The following MTMR6 variants were observed in gnomAD, a reference collection of about 807,000 sequenced individuals.
The protein encoded by MTMR6 is phosphatidylinositol-3,5-bisphosphate 3-phosphatase MTMR6.
A neutral mutation model predicts 80.1 loss-of-function variants in MTMR6; 47 were observed. The observed-to-expected ratio is 0.59, with a 90% confidence interval of 0.46 to 0.75. The LOEUF (loss-of-function observed/expected upper bound fraction) is 0.75. Among genes scored for constraint, MTMR6 ranks in the 30% least tolerant of loss-of-function variants. The pLI, the probability that MTMR6 is intolerant of heterozygous loss-of-function variation, is 0.00. For missense variants in MTMR6, 629 were observed against 730.9 expected, an observed-to-expected ratio of 0.86 and a Z score of 1.61; for synonymous variants, 254 against 253.0, an observed-to-expected ratio of 1.00 and a Z score of -0.04.
chr13:25,249,317 C>T lies in MTMR6; in HGVS notation c.1781G>A (p.Arg594His), dbSNP rs544564911. The change falls in exon 14 of 14, where the codon CGT becomes CAT. Residue 594 changes from arginine to histidine, a missense_variant. By Grantham distance (29) the Arg-to-His change is conservative. Transcript: ENST00000381801. ...TIEGSSPADNRYSEYAEEFSK... is the reference protein window; with the variant it reads ...TIEGSSPADNHYSEYAEEFSK... Reference sequence around the variant, plus strand: ...AAACTCTTCTGCATATTCACTATAACGATTATCTGCCGGGCTGCTGCCCTC... The same window carrying T: ...AAACTCTTCTGCATATTCACTATAATGATTATCTGCCGGGCTGCTGCCCTC... 18 of 1,614,124 alleles carry T rather than the reference C, an allele frequency of 1.1e-5. No individual in the cohort carries two copies. Among genetic ancestry groups the T allele is most frequent in the East Asian group, 2.2e-5 (1 of 44,872 alleles).
At position 25,265,982 on chromosome 13, in the gene MTMR6, C is replaced by A. The variant is rs749418373; in HGVS notation, c.463-35G>T. 11 of 1,606,736 alleles carry A rather than the reference C, an allele frequency of 6.8e-6. No individual in the cohort carries two copies. The South Asian group carries it at 1.2e-4, about 18-fold the overall frequency. ...TCAAACAAAACATAACCATTGTATT[C>A]TTAGTTCAAAACCACTTTAAAAACC... On this transcript the variant is annotated intron_variant, in intron 4 of 13. Transcript: ENST00000381801.
At position 25,254,382 on chromosome 13, in the gene MTMR6, C is replaced by T; in HGVS notation, c.1145+3G>A. On this transcript the variant is annotated splice_donor_region_variant and intron_variant, in intron 10 of 13. Coordinates refer to ENST00000381801, the MANE Select transcript of MTMR6 (RefSeq NM_004685.5). Reference sequence around the variant, plus strand: ...AATATATGACTGTGTAACTGTGACTCACCTCTCTGAAAATTTATGTCCAAA... The same window carrying T: ...AATATATGACTGTGTAACTGTGACTTACCTCTCTGAAAATTTATGTCCAAA... 1.3e-6 allele frequency: 2 copies of T among 1,569,244 alleles called. No homozygotes were observed. Among genetic ancestry groups the T allele is most frequent in the Non-Finnish European group, 1.8e-6 (2 of 1,142,210 alleles).
chr13:25,267,687 G>C (rs960461461), intron 3 of MTMR6, 92 bp downstream of exon 3: 1 of 1,319,952 alleles, frequency 7.6e-7, no homozygotes, highest in Non-Finnish European at 1.0e-6. Context: ...GAGCAAAAAA[G>C]GATAAAATAA....
rs114795294 is a variant in MTMR6 at position 25,251,500 on chromosome 13, C to T, written c.1605+149G>A. On this transcript the variant is annotated intron_variant, in intron 13 of 13. Coordinates refer to ENST00000381801, the MANE Select transcript of MTMR6 (RefSeq NM_004685.5). The surrounding 1 kb of genome is among the most constrained non-coding windows in gnomAD (Gnocchi z 4.1). Reference sequence around the variant, plus strand: ...ATACAAAGAAAGTGATTCGAACTAACGTATTCAATCAAAGTAGGGATGACC... The same window carrying T: ...ATACAAAGAAAGTGATTCGAACTAATGTATTCAATCAAAGTAGGGATGACC... 4.2e-3 allele frequency: 2,686 copies of T among 642,898 alleles called. 56 individuals are homozygous for T. The highest frequency in any genetic ancestry group is 0.039 in the African/African-American group (2,092 of 53,616). 39.8% of individuals were successfully genotyped at this position (642,898 alleles called of 1,614,324 possible). A position where few individuals can be genotyped will look rare whatever the true frequency, so the allele number is the denominator to read the frequency against.
At chr13:25,258,455 C>G (rs902715836) in intron 7 of MTMR6, 105 bp downstream of exon 7, 17 of 917,264 alleles carry the variant, frequency 1.9e-5, no homozygotes, top group Non-Finnish European at 2.6e-5. Context: ...TCACTTGTTT[C>G]TTTTTACTTT....
intron 3 of MTMR6, among the ~76,000 whole-genome samples, chr13:25,266,843 C>G (rs953405704): frequency 1.3e-5 from 2 of 152,182 alleles, no homozygotes; most frequent in Non-Finnish European, 2.9e-5. Context: ...GAACAAAGAC[C>G]TGCTCTGAGA....
intron 9 of MTMR6, among the ~76,000 whole-genome samples, chr13:25,254,723 T>G (rs1363002877): frequency 6.6e-6 from 1 of 152,192 alleles, no homozygotes; most frequent in Non-Finnish European, 1.5e-5. Flanking sequence ...GTATTACATT[T>G]AAGTTTTTGT....
At chr13:25,252,031 G>A in intron 11 of MTMR6, 47 bp from the exon 12 acceptor site, 6 of 1,554,318 alleles carry the variant, frequency 3.9e-6, no homozygotes, top group East Asian at 2.2e-5. Context: ...TAGATGCAAA[G>A]TAGTAATGGT....
chr13:25,264,278 AAAAT>A (rs1957404146), intron 5 of MTMR6, among the ~76,000 whole-genome samples: 1 of 152,088 alleles, frequency 6.6e-6, no homozygotes, highest in South Asian at 2.1e-4. Context: ...AAAAAAATGA[AAAAT>A]AAAGGAGAAA....
rs1340825416 is a variant in MTMR6, at chr13:25,257,270, C to A, written c.1021G>T (p.Asp341Tyr). 1.9e-6 allele frequency: 3 copies of A among 1,613,904 alleles called. No homozygotes were observed. Among genetic ancestry groups the A allele is most frequent in the African/African-American group, 1.3e-5 (1 of 75,012 alleles). The change falls in exon 9 of 14, where the codon GAT (aspartate) becomes TAT (tyrosine). Residue 341 changes from aspartate (D) to tyrosine (Y), a missense_variant. Physicochemically the swap from Asp to Tyr is radical, Grantham distance 160 (BLOSUM62 -3). Transcript: ENST00000381801. ...SVLVHCSDGWDRTSQVCSLGS... is the reference protein window; with the variant it reads ...SVLVHCSDGWYRTSQVCSLGS... Reference sequence around the variant, plus strand: ...AGGGAACAAACCTGGGAAGTCCTATCCCAACCATCGGAACAATGCACCAAC... The same window carrying A: ...AGGGAACAAACCTGGGAAGTCCTATACCAACCATCGGAACAATGCACCAAC...
At position 25,287,444 on chromosome 13, in the gene MTMR6, C is replaced by A; in HGVS notation, c.-197G>T. 3.1e-6 allele frequency: 2 copies of A among 653,918 alleles called. No individual in the cohort carries two copies. Among genetic ancestry groups the A allele is most frequent in the Middle Eastern group, 6.7e-4 (2 of 2,970 alleles). 40.5% of individuals were successfully genotyped at this position (653,918 alleles called of 1,614,324 possible). ...TCTCCTAGAAACACTTCCCCAAACC[C>A]CGCGGCCTCCCGGGGGACTCGGGGC... is the stretch of plus-strand genomic sequence containing the variant. On this transcript the variant is annotated 5_prime_UTR_variant, in exon 1 of 14. Coordinates refer to ENST00000381801, the MANE Select transcript of MTMR6 (RefSeq NM_004685.5).
At chr13:25,275,322 T>G (rs563799322) in intron 1 of MTMR6, among the ~76,000 whole-genome samples, 2 of 152,136 alleles carry the variant, frequency 1.3e-5, no homozygotes, top group East Asian at 3.9e-4. Flanking sequence ...CTTGGGAGGC[T>G]GAGGCAGGAG....
rs1593162252 is a variant in MTMR6, at chr13:25,287,451, C to T, written c.-204G>A. 3 of 635,580 alleles carry T rather than the reference C, an allele frequency of 4.7e-6. No homozygotes were observed. Among genetic ancestry groups the T allele is most frequent in the Admixed American group, 5.2e-5 (2 of 38,748 alleles). 39.4% of individuals were successfully genotyped at this position (635,580 alleles called of 1,614,324 possible). On this transcript the variant is annotated 5_prime_UTR_variant, in exon 1 of 14. Transcript: ENST00000381801. ...GAAACACTTCCCCAAACCCCGCGGC[C>T]TCCCGGGGGACTCGGGGCAGGCAGA... is the stretch of plus-strand genomic sequence containing the variant.
At chr13:25,274,907 A>T (rs953350300) in intron 1 of MTMR6, among the ~76,000 whole-genome samples, 1 of 144,876 alleles carries the variant, frequency 6.9e-6, no homozygotes, top group African/African-American at 2.5e-5. Flanking sequence ...CTGATAAGGC[A>T]CATAGTATGT....
chr13:25,274,658 ATTG>A (rs1294599682), intron 1 of MTMR6, among the ~76,000 whole-genome samples: 1 of 152,034 alleles, frequency 6.6e-6, no homozygotes, highest in Non-Finnish European at 1.5e-5. Flanking sequence ...CAGGGCAATG[ATTG>A]TTTTTTGTCC....
intron 7 of MTMR6, 131 bp from the exon 8 acceptor site, chr13:25,257,976 G>C: frequency 1.9e-6 from 1 of 534,026 alleles, no homozygotes; most frequent in Non-Finnish European, 3.1e-6. Context: ...TAAATGAAAA[G>C]ATGCTATTAA....
At chr13:25,262,383 T>C (rs1167225844) in intron 5 of MTMR6, among the ~76,000 whole-genome samples, 1 of 152,200 alleles carries the variant, frequency 6.6e-6, no homozygotes, top group African/African-American at 2.4e-5. Context: ...CTGGTTGGTT[T>C]TTGAGACAAG....
rs1957349055 is a variant in MTMR6, at chr13:25,261,805, A to G, written c.592-3T>C. On this transcript the variant is annotated splice_region_variant and splice_polypyrimidine_tract_variant and intron_variant, in intron 5 of 13. Transcript: ENST00000381801. ...TGACTACATCGACAAATGGCAGCCTATTTTTTAAAGGACAGAAAAGAGATT... is the reference window on the plus strand; with the variant it reads ...TGACTACATCGACAAATGGCAGCCTGTTTTTTAAAGGACAGAAAAGAGATT... The G allele has an allele frequency of 1.2e-6, 2 of 1,609,418 alleles. No homozygotes were observed. The highest frequency in any genetic ancestry group is 1.1e-5 in the South Asian group (1 of 90,400).
intron 2 of MTMR6, among the ~76,000 whole-genome samples, chr13:25,269,933 G>C (rs1957536959): frequency 6.6e-6 from 1 of 152,088 alleles, no homozygotes; most frequent in Non-Finnish European, 1.5e-5. Flanking sequence ...TTTAAACAGA[G>C]AATAAGGAAT....
Sources: allele counts gnomAD v4.1 joint callset (sites outside exome capture counted in the v4.1 genomes callset), GRCh38; gene constraint gnomAD v4.1.1; non-coding constraint Gnocchi (gnomAD v3.1); transcripts MANE v1.5; gene names NCBI Gene and HGNC (gene_info 2026-07-23, HGNC 2026-07-21).